ASS1: variants seen among roughly 807,000 people sequenced by gnomAD.
ASS1 encodes argininosuccinate synthase 1.
ASS1 carries 58 observed loss-of-function variants against 60.5 expected under a neutral mutation model. The observed-to-expected ratio is 0.96, with a 90% CI of 0.78 to 1.19. The LOEUF (loss-of-function observed/expected upper bound fraction) is 1.19, where lower values mean the gene tolerates loss of function less well. Among genes scored for constraint, ASS1 ranks in the 50% most tolerant of loss-of-function variants. ASS1 has a pLI of 0.00. For synonymous variants in ASS1, 200 were observed against 206.9 expected (o/e 0.97, Z 0.29); for missense variants, 454 against 547.3 (o/e 0.83, Z 1.70).
chr9:130,452,950 G>C (rs1760253), intron 2 of ASS1, among the ~76,000 whole-genome samples: 144,344 of 152,294 alleles, frequency 0.95, 68,657 homozygotes, highest in East Asian at 1. Flanking sequence ...TTTAGAAACT[G>C]AACTCAAACC....
intron 11 of ASS1, among the ~76,000 whole-genome samples, chr9:130,484,799 G>GCACACACACACA (rs3030699): frequency 2.3e-4 from 34 of 146,704 alleles, no homozygotes; most frequent in African/African-American, 6.8e-4. Context: ...AGCTTTAAAC[G>GCACACACACACA]CACACACACA....
At chr9:130,499,443 G>A (rs368646036) in intron 13 of ASS1, 62 bp from the exon 14 acceptor site, 2 of 1,554,838 alleles carry the variant, frequency 1.3e-6, no homozygotes. Context: ...GGCCCCAGCA[G>A]TCCTCCCTTC....
intron 1 of ASS1, chr9:130,445,293 C>A: frequency 1.1e-6 from 1 of 931,872 alleles, no homozygotes; most frequent in Non-Finnish European, 1.3e-6. Context: ...GTTCCCTGCG[C>A]AGCCGGGTCC....
intron 13 of ASS1, among the ~76,000 whole-genome samples, chr9:130,495,460 T>TAC (rs1446737359): frequency 8.1e-4 from 84 of 103,922 alleles, no homozygotes; most frequent in East Asian, 4.8e-3. Flanking sequence ...TATATATATA[T>TAC]ACACATACAT....
intron 1 of ASS1, chr9:130,450,326 A>C (rs1440874511): frequency 1.0e-6 from 1 of 987,418 alleles, no homozygotes; most frequent in Non-Finnish European, 1.2e-6. Flanking sequence ...TCACGCCTCC[A>C]ATCCCAGGTA....
At chr9:130,466,845 C>T in intron 6 of ASS1, 46 bp downstream of exon 6, 1 of 1,595,600 alleles carries the variant, frequency 6.3e-7, no homozygotes, top group South Asian at 1.1e-5. Context: ...CCTATAGCCC[C>T]CTTCCCGGGC....
intron 6 of ASS1, among the ~76,000 whole-genome samples, chr9:130,468,019 G>A (rs961081386): frequency 3.3e-5 from 5 of 152,154 alleles, no homozygotes; most frequent in Non-Finnish European, 5.9e-5. Context: ...CTTTTGAGCC[G>A]GAAAAGTTTG....
In ASS1 at chr9:130,470,982, C is replaced by A. The variant is rs1588487197; in HGVS notation, c.566+78C>A. ...CGGCCACGCGCTGCCCCAGGACGTC[C>A]TGGTGACCCCCACACCAGTGGTCCC... is the stretch of plus-strand genomic sequence containing the variant. On this transcript the variant is annotated intron_variant, in intron 7 of 14. Coordinates refer to ENST00000352480, the MANE Select transcript of ASS1 (RefSeq NM_054012.4). This position sits in a 1 kb window ranked among gnomAD's most constrained non-coding sequence, Gnocchi z 4.3. 12 of 1,522,228 alleles carry A rather than the reference C, an allele frequency of 7.9e-6. No individual in the cohort carries two copies. The South Asian group carries it at 1.2e-4, about 16-fold the overall frequency. 94.3% of individuals were successfully genotyped at this position (1,522,228 alleles called of 1,614,324 possible).
chr9:130,446,614 A>G (rs1252433342), intron 1 of ASS1, among the ~76,000 whole-genome samples: 1 of 152,216 alleles, frequency 6.6e-6, no homozygotes, highest in Non-Finnish European at 1.5e-5. Flanking sequence ...CTCTCAGCAC[A>G]GTCTCCATTC....
intron 8 of ASS1, among the ~76,000 whole-genome samples, chr9:130,474,162 C>G (rs1429536524): frequency 6.9e-6 from 1 of 144,362 alleles, no homozygotes; most frequent in Non-Finnish European, 1.5e-5. Context: ...GTCATTAGAA[C>G]TGGGCTTTTA....
At chr9:130,485,005 G>T (rs1309702521) in intron 11 of ASS1, among the ~76,000 whole-genome samples, 1 of 152,190 alleles carries the variant, frequency 6.6e-6, no homozygotes, top group South Asian at 2.1e-4. Context: ...CAGCCAGGAA[G>T]CCGGTGCTGG....
rs1261251665 is a variant in ASS1 at position 130,470,621 on chromosome 9, A to C, written c.496-213A>C. Among the ~76,000 whole-genome samples the C allele has an allele frequency of 6.6e-6, 1 of 152,170 alleles. No individual in the cohort carries two copies. Among genetic ancestry groups the C allele is most frequent in the African/African-American group, 2.4e-5 (1 of 41,440 alleles). Reference sequence around the variant, plus strand: ...TCTGGAAGGAACCTCCAAGGTCAGCATTGCAGACACACGGTCCTGCAGTTT... The same window carrying C: ...TCTGGAAGGAACCTCCAAGGTCAGCCTTGCAGACACACGGTCCTGCAGTTT... On this transcript the variant is annotated intron_variant, in intron 6 of 14. Coordinates refer to ENST00000352480, the MANE Select transcript of ASS1 (RefSeq NM_054012.4). This position sits in a 1 kb window ranked among gnomAD's most constrained non-coding sequence, Gnocchi z 4.3.
intron 2 of ASS1, among the ~76,000 whole-genome samples, chr9:130,452,812 A>C (rs1162969170): frequency 6.6e-6 from 1 of 152,134 alleles, no homozygotes; most frequent in African/African-American, 2.4e-5. Context: ...GTTATGTGTG[A>C]AGCCACTTCC....
chr9:130,461,700 GTA>G (rs1845598361), intron 4 of ASS1, among the ~76,000 whole-genome samples: 3 of 152,308 alleles, frequency 2.0e-5, no homozygotes, highest in African/African-American at 7.2e-5. Context: ...AGAACTGGGG[GTA>G]TGAGTGGAGA....
At chr9:130,479,484 T>A (rs1300275642) in intron 9 of ASS1, among the ~76,000 whole-genome samples, 1 of 151,738 alleles carries the variant, frequency 6.6e-6, no homozygotes, top group Non-Finnish European at 1.5e-5. Context: ...AATGGGAGGG[T>A]GGGGGAGAGC....
Position 130,458,505 on chromosome 9 carries a change from T to C in ASS1, c.279T>C (p.Leu93=), listed in dbSNP as rs754732125. 2.5e-6 allele frequency: 4 copies of C among 1,612,938 alleles called. No homozygotes were observed. Among genetic ancestry groups the C allele is most frequent in the Non-Finnish European group, 3.4e-6 (4 of 1,179,878 alleles). ...ACCGCTACCTCCTGGGCACCTCTCT[T>C]GCCAGGCCCTGCATCGCCCGCAAAC... ...YEDRYLLGTS[L]ARPCIARKQV... Residue 93 remains leucine, a synonymous_variant, in exon 4 of 15, where the codon CTT becomes CTC. Coordinates refer to ENST00000352480, the MANE Select transcript of ASS1 (RefSeq NM_054012.4).
intron 11 of ASS1, among the ~76,000 whole-genome samples, chr9:130,486,858 T>C (rs969998069): frequency 3.3e-5 from 5 of 152,218 alleles, no homozygotes; most frequent in Admixed American, 3.3e-4. Flanking sequence ...CACGGAGCCA[T>C]GGTGAGAACC....
At chr9:130,480,019 C>T in intron 10 of ASS1, 2 of 713,106 alleles carry the variant, frequency 2.8e-6, no homozygotes, top group Non-Finnish European at 5.2e-6. Flanking sequence ...CCCAGGAGGT[C>T]TCCTGCCTCC....
intron 4 of ASS1, 49 bp from the exon 5 acceptor site, chr9:130,464,062 C>T: frequency 6.2e-7 from 1 of 1,609,188 alleles, no homozygotes; most frequent in Non-Finnish European, 8.5e-7. Flanking sequence ...CCCCAGACTC[C>T]AGAACCCCCA....
Sources: allele counts gnomAD v4.1 joint callset (sites outside exome capture counted in the v4.1 genomes callset), GRCh38; gene constraint gnomAD v4.1.1; non-coding constraint Gnocchi (gnomAD v3.1); transcripts MANE v1.5; gene names NCBI Gene and HGNC (gene_info 2026-07-23, HGNC 2026-07-21).